Variants in CFAP299 observed in about 807,000 individuals in gnomAD.
CFAP299 encodes cilia and flagella associated protein 299.
A neutral mutation model predicts 27.0 loss-of-function variants in CFAP299; 21 were observed. The observed-to-expected ratio is 0.78, with a 90% CI of 0.55 to 1.12. The LOEUF is 1.12. CFAP299 is among the 50% of genes most tolerant of loss of function. CFAP299 has a pLI of 0.00. For synonymous variants in CFAP299, 104 were observed against 98.1 expected (o/e 1.06, Z -0.36); for missense variants, 310 against 276.6 (o/e 1.12, Z -0.86).
chr4:80,874,200 C>T (rs1035689513), intron 4 of CFAP299, among the ~76,000 whole-genome samples: 3 of 152,062 alleles, frequency 2.0e-5, no homozygotes, highest in Admixed American at 6.6e-5. Context: ...TTTCCAAATT[C>T]GAATATGGTG....
chr4:80,829,476 C>A (rs553467557), intron 3 of CFAP299, among the ~76,000 whole-genome samples: 2 of 152,062 alleles, frequency 1.3e-5, no homozygotes, highest in African/African-American at 2.4e-5. Context: ...ATTGTTAGTG[C>A]AAATGTTAAC....
chr4:80,341,568 A>G (rs1361876251), intron 1 of CFAP299, among the ~76,000 whole-genome samples: 1 of 152,210 alleles, frequency 6.6e-6, no homozygotes, highest in African/African-American at 2.4e-5. Flanking sequence ...GTCTGCAGTG[A>G]TCCCCCAACA....
At chr4:80,889,235 C>A (rs1202109250) in intron 4 of CFAP299, among the ~76,000 whole-genome samples, 2 of 151,108 alleles carry the variant, frequency 1.3e-5, no homozygotes, top group Non-Finnish European at 3.0e-5. Flanking sequence ...AAACCTTTAG[C>A]CAGACTAAGA....
chr4:80,748,399 C>T (rs945188456), intron 3 of CFAP299, among the ~76,000 whole-genome samples: 1 of 152,028 alleles, frequency 6.6e-6, no homozygotes, highest in Non-Finnish European at 1.5e-5. Flanking sequence ...TAAAAAAATT[C>T]ATAATCTCCT....
chr4:80,328,546 G>T, the CFAP299 span, among the ~76,000 whole-genome samples: 1 of 151,728 alleles, frequency 6.6e-6, no homozygotes, highest in Non-Finnish European at 1.5e-5. Flanking sequence ...GGAATGAGGA[G>T]TAAGAGAGAA....
chr4:80,858,239 G>T (rs1732055804), intron 3 of CFAP299, among the ~76,000 whole-genome samples: 1 of 151,936 alleles, frequency 6.6e-6, no homozygotes, highest in Non-Finnish European at 1.5e-5. Flanking sequence ...TATTTCTGTG[G>T]GATCGGTGGT....
intron 2 of CFAP299, among the ~76,000 whole-genome samples, chr4:80,371,128 A>T (rs1046746063): frequency 4.6e-5 from 7 of 152,182 alleles, no homozygotes; most frequent in Admixed American, 4.6e-4. Flanking sequence ...TATGGCTTGC[A>T]TCCTCTGGAA....
chr4:80,385,088 G>A (rs558842794), intron 2 of CFAP299, among the ~76,000 whole-genome samples: 18 of 152,068 alleles, frequency 1.2e-4, no homozygotes, highest in Admixed American at 2.0e-4. Context: ...CCCTATTATT[G>A]TTTATGATGA....
intron 3 of CFAP299, among the ~76,000 whole-genome samples, chr4:80,757,179 A>C: frequency 6.6e-6 from 1 of 152,094 alleles, no homozygotes. Flanking sequence ...CTGGTAAGTC[A>C]GCTTTTAGGC....
At chr4:80,935,501 G>T (rs925698360) in intron 4 of CFAP299, among the ~76,000 whole-genome samples, 13 of 151,452 alleles carry the variant, frequency 8.6e-5, no homozygotes, top group Non-Finnish European at 1.9e-4. Context: ...AATGATGCTG[G>T]GATAACTGGT....
intron 4 of CFAP299, among the ~76,000 whole-genome samples, chr4:80,904,705 A>G (rs958658762): frequency 1.3e-5 from 2 of 152,128 alleles, no homozygotes; most frequent in Admixed American, 6.5e-5. Context: ...GTGTTTTCTC[A>G]TGGTTCAGCC....
intron 5 of CFAP299, 133 bp downstream of exon 5, chr4:80,945,072 T>C: frequency 1.2e-6 from 1 of 821,606 alleles, no homozygotes; most frequent in Non-Finnish European, 2.0e-6. Context: ...TTTTGAAACT[T>C]AGAGCATGTA....
chr4:80,509,780 T>C (rs534874693), intron 2 of CFAP299, among the ~76,000 whole-genome samples: 8 of 152,254 alleles, frequency 5.3e-5, no homozygotes, highest in African/African-American at 1.7e-4. Context: ...ACATGAGTGA[T>C]GAGACATCTA....
At chr4:80,491,518 T>C (rs2110139120) in intron 2 of CFAP299, among the ~76,000 whole-genome samples, 1 of 152,280 alleles carries the variant, frequency 6.6e-6, no homozygotes, top group South Asian at 2.1e-4. Flanking sequence ...TTTTTTGTTG[T>C]ATTCAGATAA....
chr4:80,504,506 T>TATATATATATATATA (rs57743936), intron 2 of CFAP299, among the ~76,000 whole-genome samples: 4 of 126,332 alleles, frequency 3.2e-5, no homozygotes, highest in African/African-American at 5.7e-5. Flanking sequence ...TATATATATA[T>TATATATATATATATA]TTTCCTTTGA....
chr4:80,389,665 T>C (rs567360388), intron 2 of CFAP299, among the ~76,000 whole-genome samples: 3 of 152,354 alleles, frequency 2.0e-5, no homozygotes, highest in East Asian at 3.8e-4. Context: ...GAATGATTCA[T>C]ATTCTGATAC....
intron 1 of CFAP299, among the ~76,000 whole-genome samples, chr4:80,354,876 G>A (rs1723187628): frequency 6.6e-6 from 1 of 152,040 alleles, no homozygotes; most frequent in Non-Finnish European, 1.5e-5. Flanking sequence ...GCTGCATAGT[G>A]TTCTATGGTA....
intron 4 of CFAP299, among the ~76,000 whole-genome samples, chr4:80,938,842 AC>A (rs1436884464): frequency 6.6e-6 from 1 of 152,158 alleles, no homozygotes; most frequent in African/African-American, 2.4e-5. Flanking sequence ...TTGGTAATAA[AC>A]TTGCTTGATT....
intron 2 of CFAP299, among the ~76,000 whole-genome samples, chr4:80,370,180 T>C (rs1191836513): frequency 6.6e-6 from 1 of 151,996 alleles, no homozygotes; most frequent in African/African-American, 2.4e-5. Flanking sequence ...CCACACACTT[T>C]TAAACAACCA....
Sources: gnomAD v4.1 joint callset for allele counts (sites outside exome capture counted in the v4.1 genomes callset) on GRCh38, gnomAD v4.1.1 for gene constraint, MANE v1.5 for transcripts, NCBI Gene and HGNC (gene_info 2026-07-23, HGNC 2026-07-21) for gene names.